ZEB2: variants seen among roughly 807,000 people sequenced by gnomAD.
The protein encoded by ZEB2 is zinc finger E-box binding homeobox 2.
A neutral mutation model predicts 99.9 loss-of-function variants in ZEB2; 6 were observed. That is an observed-to-expected ratio of 0.06 (90% CI 0.03 to 0.12). The LOEUF (loss-of-function observed/expected upper bound fraction) is 0.12, where lower values mean the gene tolerates loss of function less well. Among genes scored for constraint, ZEB2 ranks in the 10% least tolerant of loss-of-function variants. The probability of loss-of-function intolerance (pLI) is 1.00; values close to 1 mark genes in which losing one functional copy is unlikely to be tolerated. For synonymous variants in ZEB2, 517 were observed against 542.5 expected, an observed-to-expected ratio of 0.95 and a Z score of 0.65; for missense variants, 969 against 1,502.8, an observed-to-expected ratio of 0.64 and a Z score of 5.87.
At chr2:144,492,531 T>C (rs1015289687) in intron 2 of ZEB2, among the ~76,000 whole-genome samples, 2 of 152,176 alleles carry the variant, frequency 1.3e-5, no homozygotes, top group African/African-American at 4.8e-5. Context: ...CTGAACAACT[T>C]GCTACAGGTC....
chr2:144,492,608 C>T (rs187958896), intron 2 of ZEB2, among the ~76,000 whole-genome samples: 19 of 152,320 alleles, frequency 1.2e-4, no homozygotes, highest in African/African-American at 4.6e-4. Flanking sequence ...CTCTTCCGAG[C>T]ACCCACACTG....
intron 4 of ZEB2, among the ~76,000 whole-genome samples, chr2:144,416,345 T>C (rs975523227): frequency 1.1e-4 from 16 of 152,200 alleles, no homozygotes; most frequent in Non-Finnish European, 2.1e-4. Context: ...CAAACGTATC[T>C]TAAAAAAATC....
At chr2:144,467,375 C>A (rs762272558) in intron 2 of ZEB2, among the ~76,000 whole-genome samples, 11 of 152,086 alleles carry the variant, frequency 7.2e-5, no homozygotes, top group East Asian at 1.9e-4. Flanking sequence ...AAAACATAGA[C>A]CAAATAGGTG....
intron 2 of ZEB2, among the ~76,000 whole-genome samples, chr2:144,442,553 A>C (rs2149896567): frequency 6.6e-6 from 1 of 152,302 alleles, no homozygotes; most frequent in South Asian, 2.1e-4. Context: ...TTGCAAAATA[A>C]ATTAATCAAT....
intron 2 of ZEB2, among the ~76,000 whole-genome samples, chr2:144,507,114 T>C (rs1704961515): frequency 6.6e-6 from 1 of 152,230 alleles, no homozygotes; most frequent in Non-Finnish European, 1.5e-5. Context: ...GTTTACTGTT[T>C]GATTAAAAGA....
chr2:144,519,464 C>A, intron 1 of ZEB2: 1 of 153,018 alleles, frequency 6.5e-6, no homozygotes, highest in Admixed American at 6.4e-5. Flanking sequence ...AGACTTGCCC[C>A]CGAATTTGTA....
intron 1 of ZEB2, chr2:144,518,179 C>T (rs1705197114): frequency 6.7e-6 from 1 of 148,970 alleles, no homozygotes; most frequent in African/African-American, 2.5e-5. Context: ...TTAAATAGTT[C>T]CAGTAGAATT....
intron 2 of ZEB2, among the ~76,000 whole-genome samples, chr2:144,488,662 C>CGTGTGA (rs1553968739): frequency 1.2e-5 from 1 of 83,548 alleles, no homozygotes; most frequent in Non-Finnish European, 2.6e-5. Context: ...GATAATTGCT[C>CGTGTGA]GTGTGTGAGT....
chr2:144,493,844 G>C (rs1704719083), intron 2 of ZEB2, among the ~76,000 whole-genome samples: 1 of 152,084 alleles, frequency 6.6e-6, no homozygotes, highest in African/African-American at 2.4e-5. Flanking sequence ...ATTTAAAATA[G>C]CTTGGTCTTT....
rs1704126538 is a variant in ZEB2, at chr2:144,456,724, T to C, written c.74-26698A>G. 2.6e-5 allele frequency among the ~76,000 whole-genome samples: 4 copies of C among 152,164 alleles called. 1 individual carries two copies. The South Asian group carries it at 8.3e-4, about 31-fold the overall frequency. On this transcript the variant is annotated intron_variant, in intron 2 of 9. Transcript: ENST00000627532. Reference sequence around the variant, plus strand: ...AACCCCTTGGTCTTAGATTCTGCTCTTGTACAGTCATCCGTACAGTGGCCA... The same window carrying C: ...AACCCCTTGGTCTTAGATTCTGCTCCTGTACAGTCATCCGTACAGTGGCCA...
intron 2 of ZEB2, among the ~76,000 whole-genome samples, chr2:144,483,242 G>A (rs544572744): frequency 4.0e-5 from 6 of 151,448 alleles, no homozygotes; most frequent in Middle Eastern, 3.4e-3. Context: ...TTTGAATCCC[G>A]GCTCTTTTTC....
At chr2:144,408,516 G>A (rs1703416223) in intron 4 of ZEB2, among the ~76,000 whole-genome samples, 1 of 152,184 alleles carries the variant, frequency 6.6e-6, no homozygotes, top group Non-Finnish European at 1.5e-5. Flanking sequence ...ATTTCTTCAT[G>A]CTGTATAGAT....
At chr2:144,443,742 T>G (rs1279799692) in intron 2 of ZEB2, among the ~76,000 whole-genome samples, 3 of 152,166 alleles carry the variant, frequency 2.0e-5, no homozygotes, top group Non-Finnish European at 4.4e-5. Context: ...TCCTTTCACT[T>G]TTCGCTCCCC....
At chr2:144,457,992 G>A (rs1219433739) in intron 2 of ZEB2, among the ~76,000 whole-genome samples, 1 of 152,092 alleles carries the variant, frequency 6.6e-6, no homozygotes, top group African/African-American at 2.4e-5. Flanking sequence ...TTTATACTAA[G>A]GCGAATTTAG....
intron 2 of ZEB2, among the ~76,000 whole-genome samples, chr2:144,432,361 G>A (rs552819068): frequency 2.6e-5 from 4 of 152,234 alleles, no homozygotes; most frequent in East Asian, 1.9e-4. Context: ...CTTTTCTAGC[G>A]CTGTGTTAAC....
chr2:144,401,715 C>T (rs1321906230), intron 6 of ZEB2, among the ~76,000 whole-genome samples: 2 of 152,038 alleles, frequency 1.3e-5, no homozygotes, highest in African/African-American at 4.8e-5. Context: ...TCTGAATAGT[C>T]TCAAGAAAAA....
At position 144,389,703 on chromosome 2, in the gene ZEB2, C is replaced by G; in HGVS notation, c.3393G>C (p.Pro1131=). ...YSDSEERESM[P]RDGESEKEHE... Reference sequence around the variant, plus strand: ...GCTCCTTCTCGCTCTCGCCATCCCTCGGCATACTCTCCCTCTCCTCCGAGT... The same window carrying G: ...GCTCCTTCTCGCTCTCGCCATCCCTGGGCATACTCTCCCTCTCCTCCGAGT... Residue 1131 remains proline, a synonymous_variant, in exon 10 of 10, where the codon CCG becomes CCC. Transcript: ENST00000627532. This position sits in a 1 kb window ranked among gnomAD's most constrained non-coding sequence, Gnocchi z 6.8. The G allele has an allele frequency of 6.2e-7, 1 of 1,613,868 alleles. No individual in the cohort carries two copies. The highest frequency in any genetic ancestry group is 8.5e-7 in the Non-Finnish European group (1 of 1,179,848).
intron 4 of ZEB2, among the ~76,000 whole-genome samples, chr2:144,421,193 T>C (rs1477270612): frequency 6.6e-6 from 1 of 152,146 alleles, no homozygotes; most frequent in East Asian, 1.9e-4. Context: ...CAGACACACT[T>C]TGTGATGGAG....
chr2:144,441,300 T>G (rs1170487423), intron 2 of ZEB2, among the ~76,000 whole-genome samples: 3 of 151,890 alleles, frequency 2.0e-5, no homozygotes, highest in Non-Finnish European at 2.9e-5. Context: ...GTAGTGGAAT[T>G]TGCTGACCCT....
Sources: gnomAD v4.1 joint callset for allele counts (sites outside exome capture counted in the v4.1 genomes callset) on GRCh38, gnomAD v4.1.1 for gene constraint, Gnocchi (gnomAD v3.1) non-coding constraint, MANE v1.5 for transcripts, NCBI Gene and HGNC (gene_info 2026-07-23, HGNC 2026-07-21) for gene names.